REDIC1: variants seen among roughly 807,000 people sequenced by gnomAD.
REDIC1 encodes regulator of DNA class I crossover intermediates 1.
the REDIC1 span, among the ~76,000 whole-genome samples, chr12:39,855,079 T>G: frequency 1.3e-5 from 2 of 152,178 alleles, no homozygotes; most frequent in African/African-American, 4.8e-5. Flanking sequence ...AGTCACATAT[T>G]TTCATATCCC....
At chr12:39,769,804 T>C in the REDIC1 span, among the ~76,000 whole-genome samples, 1 of 152,022 alleles carries the variant, frequency 6.6e-6, no homozygotes, top group African/African-American at 2.4e-5. Flanking sequence ...TACCAGAAGT[T>C]TATACTCACG....
At chr12:39,711,857 A>G in the REDIC1 span, among the ~76,000 whole-genome samples, 1 of 68,154 alleles carries the variant, frequency 1.5e-5, no homozygotes, top group African/African-American at 8.2e-5. Context: ...ATGCATGTGT[A>G]TGTGTATACA....
chr12:39,816,102 AGGTCTG>A, the REDIC1 span, among the ~76,000 whole-genome samples: 2 of 152,212 alleles, frequency 1.3e-5, no homozygotes, highest in Non-Finnish European at 2.9e-5. Flanking sequence ...TAGTGAGCTG[AGGTCTG>A]AAACAGTTTC....
At chr12:39,855,539 C>T in the REDIC1 span, among the ~76,000 whole-genome samples, 1 of 152,312 alleles carries the variant, frequency 6.6e-6, no homozygotes, top group East Asian at 1.9e-4. Flanking sequence ...CATTTTTCTC[C>T]CTCATAGCTG....
chr12:39,734,028 C>T, the REDIC1 span, among the ~76,000 whole-genome samples: 4 of 152,180 alleles, frequency 2.6e-5, no homozygotes, highest in African/African-American at 9.7e-5. Context: ...AACCCAGGGC[C>T]CTGGTGGTGT....
At chr12:39,674,800 G>A in the REDIC1 span, among the ~76,000 whole-genome samples, 1 of 152,328 alleles carries the variant, frequency 6.6e-6, no homozygotes, top group Non-Finnish European at 1.5e-5. Context: ...GGTCCTTGGG[G>A]AAGGTACCCA....
the REDIC1 span, among the ~76,000 whole-genome samples, chr12:39,833,914 A>C: frequency 6.6e-6 from 1 of 150,450 alleles, no homozygotes; most frequent in Non-Finnish European, 1.5e-5. Context: ...AAAAAAAAAA[A>C]TCTCTGACCT....
At chr12:39,780,770 T>C in the REDIC1 span, among the ~76,000 whole-genome samples, 1 of 152,184 alleles carries the variant, frequency 6.6e-6, no homozygotes, top group Non-Finnish European at 1.5e-5. Flanking sequence ...CTTTTAATAA[T>C]ACATACACGA....
chr12:39,817,464 A>G, the REDIC1 span, among the ~76,000 whole-genome samples: 1 of 149,046 alleles, frequency 6.7e-6, no homozygotes, highest in Admixed American at 6.7e-5. Context: ...ACATTGTATC[A>G]ACTCCTTATT....
chr12:39,906,472 C>A, the REDIC1 span, among the ~76,000 whole-genome samples: 2 of 152,040 alleles, frequency 1.3e-5, no homozygotes, highest in Non-Finnish European at 1.5e-5. Context: ...GGGAAAGTTA[C>A]AGCATTTAAC....
At chr12:39,821,959 T>A in the REDIC1 span, among the ~76,000 whole-genome samples, 1 of 152,166 alleles carries the variant, frequency 6.6e-6, no homozygotes, top group African/African-American at 2.4e-5. Flanking sequence ...AGGGTACATG[T>A]GCACAATGTG....
the REDIC1 span, among the ~76,000 whole-genome samples, chr12:39,794,814 T>A: frequency 6.6e-6 from 1 of 152,204 alleles, no homozygotes; most frequent in African/African-American, 2.4e-5. Context: ...TTAAATTTAA[T>A]TTGTCTAAGG....
At chr12:39,633,004 A>T in the REDIC1 span, among the ~76,000 whole-genome samples, 1 of 152,116 alleles carries the variant, frequency 6.6e-6, no homozygotes, top group African/African-American at 2.4e-5. Context: ...TTTATGTTTA[A>T]AGATGTTTTT....
the REDIC1 span, among the ~76,000 whole-genome samples, chr12:39,631,025 A>T: frequency 6.6e-6 from 1 of 152,138 alleles, no homozygotes; most frequent in African/African-American, 2.4e-5. Context: ...AGTAGCTGCG[A>T]TTACAGGAAC....
chr12:39,779,336 C>T, the REDIC1 span, among the ~76,000 whole-genome samples: 4 of 152,162 alleles, frequency 2.6e-5, no homozygotes, highest in South Asian at 8.3e-4. Flanking sequence ...TCCCCAAGTT[C>T]CAATTGAGAG....
chr12:39,839,704 T>C, the REDIC1 span, among the ~76,000 whole-genome samples: 3 of 152,058 alleles, frequency 2.0e-5, no homozygotes. Flanking sequence ...CTACTTTCAT[T>C]GCTTTGCTGG....
chr12:39,713,740 T>C, the REDIC1 span, among the ~76,000 whole-genome samples: 1 of 149,604 alleles, frequency 6.7e-6, no homozygotes, highest in African/African-American at 2.4e-5. Flanking sequence ...TATATACATA[T>C]GTATATATAC....
chr12:39,719,564 T>C, the REDIC1 span, among the ~76,000 whole-genome samples: 6 of 151,970 alleles, frequency 3.9e-5, no homozygotes, highest in Non-Finnish European at 7.4e-5. Context: ...CAGTGAGCCA[T>C]GATTGTGCCA....
At chr12:39,868,335 TA>T in the REDIC1 span, among the ~76,000 whole-genome samples, 29 of 152,296 alleles carry the variant, frequency 1.9e-4, no homozygotes, top group South Asian at 6.0e-3. Context: ...ATAGCATTAT[TA>T]AAAATATCTA....
Sources: allele counts gnomAD v4.1 joint callset (sites outside exome capture counted in the v4.1 genomes callset), GRCh38; gene constraint gnomAD v4.1.1; transcripts MANE v1.5; gene names NCBI Gene and HGNC (gene_info 2026-07-23, HGNC 2026-07-21).